The following FAM20C variants were observed in gnomAD, a reference collection of about 807,000 sequenced individuals.
FAM20C encodes FAM20C golgi associated secretory pathway kinase.
In FAM20C, 40 loss-of-function variants were observed where a neutral mutation model predicts 51.5. The observed-to-expected ratio is 0.78, with a 90% CI of 0.60 to 1.01. The LOEUF is 1.01. Among genes scored for constraint, FAM20C ranks in the 50% least tolerant of loss-of-function variants. FAM20C has a pLI of 0.00. For synonymous variants in FAM20C, 406 were observed against 380.6 expected (o/e 1.07, Z -0.78); for missense variants, 861 against 844.7 (o/e 1.02, Z -0.24).
chr7:257,830 ATGGG>A lies in FAM20C; in HGVS notation c.1445+745_1445+748del, dbSNP rs1458205640. Among the ~76,000 whole-genome samples, 1,020 of 123,166 alleles carry A rather than the reference ATGGG, an allele frequency of 8.3e-3. 31 individuals are homozygous for A. Among genetic ancestry groups the A allele is most frequent in the Middle Eastern group, 0.023 (5 of 222 alleles). 80.8% of individuals were successfully genotyped at this position (123,166 alleles called of 152,430 possible). ...GGACCCACTGCCCGGGGTGCTGGAG[ATGGG>A]CAGGGTGGACCCACTGCCTGGGGTG... On this transcript the variant is annotated intron_variant, in intron 8 of 9. Coordinates refer to ENST00000313766, the MANE Select transcript of FAM20C (RefSeq NM_020223.4).
intron 3 of FAM20C, among the ~76,000 whole-genome samples, chr7:215,125 G>A (rs1319880435): frequency 6.6e-6 from 1 of 151,910 alleles, no homozygotes; most frequent in Non-Finnish European, 1.5e-5. Context: ...AGGAGGACAG[G>A]GCGTGGTTAA....
intron 3 of FAM20C, among the ~76,000 whole-genome samples, chr7:244,785 C>A (rs923979202): frequency 3.9e-5 from 6 of 152,242 alleles, no homozygotes; most frequent in Admixed American, 1.3e-4. Context: ...CTACCCAGGG[C>A]CCTGTCAAGG....
chr7:196,421 G>T (rs201071181), intron 2 of FAM20C, among the ~76,000 whole-genome samples: 1 of 152,256 alleles, frequency 6.6e-6, no homozygotes, highest in African/African-American at 2.4e-5. Flanking sequence ...GCTTGTAGGC[G>T]ATTGTTTGTG....
At chr7:214,742 G>A (rs1192662492) in intron 3 of FAM20C, among the ~76,000 whole-genome samples, 1 of 152,214 alleles carries the variant, frequency 6.6e-6, no homozygotes, top group East Asian at 1.9e-4. Flanking sequence ...TGGCTTTCCA[G>A]CTTGGAGAAG....
chr7:228,934 C>T (rs1218922121), intron 3 of FAM20C: 4 of 402,260 alleles, frequency 9.9e-6, no homozygotes, highest in South Asian at 5.4e-5. Flanking sequence ...CAAGACCGCC[C>T]ACCAGGCATC....
intron 5 of FAM20C, among the ~76,000 whole-genome samples, chr7:253,208 G>A (rs537268613): frequency 2.4e-3 from 373 of 152,332 alleles, no homozygotes; most frequent in Admixed American, 6.7e-3. Context: ...AACAGTGTCC[G>A]CCGGGCCCGC....
At chr7:210,378 G>A (rs1228824679) in intron 3 of FAM20C, among the ~76,000 whole-genome samples, 2 of 152,180 alleles carry the variant, frequency 1.3e-5, no homozygotes, top group African/African-American at 2.4e-5. Context: ...CCTGGGTTAC[G>A]TGAAGGAGCT....
chr7:255,781 G>T (rs377304861), intron 5 of FAM20C, 68 bp from the exon 6 acceptor site: 6 of 1,511,190 alleles, frequency 4.0e-6, no homozygotes, highest in East Asian at 2.5e-5. Context: ...GGCCTTGGGG[G>T]CCGTGAGACC....
intron 5 of FAM20C, among the ~76,000 whole-genome samples, chr7:248,795 G>T (rs1319188976): frequency 3.4e-5 from 5 of 147,072 alleles, no homozygotes; most frequent in Admixed American, 2.7e-4. Context: ...ATCTCGCCAG[G>T]TAGCCTGGCA....
At chr7:205,132 C>T (rs917789446) in intron 2 of FAM20C, among the ~76,000 whole-genome samples, 1 of 152,242 alleles carries the variant, frequency 6.6e-6, no homozygotes, top group African/African-American at 2.4e-5. Flanking sequence ...GGACAGGCGT[C>T]CACGTCCTGA....
At position 195,576 on chromosome 7, in the gene FAM20C, G is replaced by A. The variant is rs755298833; in HGVS notation, c.628G>A (p.Ala210Thr). Reference protein sequence around the residue: ...PDWPHAGAEGAEFLSPGEAAV... With the variant: ...PDWPHAGAEGTEFLSPGEAAV... ...CAGGCCGCATGCGGGTGCTGAAGGT[G>A]CAGAATTCCTCTCCCCCGGGGAGGC... Residue 210 changes from alanine to threonine, a missense_variant, in exon 2 of 10, where the codon GCA (alanine) becomes ACA (threonine). By Grantham distance (58) the Ala-to-Thr change is moderately conservative. Coordinates refer to ENST00000313766, the MANE Select transcript of FAM20C (RefSeq NM_020223.4). 3 of 1,594,004 alleles carry A rather than the reference G, an allele frequency of 1.9e-6. No individual in the cohort carries two copies. Among genetic ancestry groups the A allele is most frequent in the East Asian group, 2.3e-5 (1 of 43,640 alleles).
At chr7:210,479 G>A (rs1562371600) in intron 3 of FAM20C, among the ~76,000 whole-genome samples, 2 of 152,152 alleles carry the variant, frequency 1.3e-5, no homozygotes, top group African/African-American at 2.4e-5. Flanking sequence ...CTGGTGCTGC[G>A]TGGACCCTTC....
At chr7:237,769 GTGA>G (rs1787891916) in intron 3 of FAM20C, among the ~76,000 whole-genome samples, 2 of 151,848 alleles carry the variant, frequency 1.3e-5, no homozygotes, top group African/African-American at 4.8e-5. Flanking sequence ...GATGGTGATG[GTGA>G]TGATGATGTT....
intron 3 of FAM20C, among the ~76,000 whole-genome samples, chr7:230,177 A>G (rs1199883625): frequency 6.6e-6 from 1 of 152,126 alleles, no homozygotes; most frequent in Non-Finnish European, 1.5e-5. Context: ...CCCTGTCCTC[A>G]TAAGAGGGAG....
chr7:222,534 G>A (rs1028484645), intron 3 of FAM20C, among the ~76,000 whole-genome samples: 13 of 152,162 alleles, frequency 8.5e-5, no homozygotes, highest in Non-Finnish European at 1.2e-4. Context: ...AGGTGTCCAC[G>A]GAGGCCCTGC....
At chr7:219,662 T>C (rs1393533301) in intron 3 of FAM20C, among the ~76,000 whole-genome samples, 1 of 152,172 alleles carries the variant, frequency 6.6e-6, no homozygotes, top group Non-Finnish European at 1.5e-5. Flanking sequence ...CAGGGTGTCC[T>C]GCAGAGACTC....
chr7:220,334 C>T (rs1434939079), intron 3 of FAM20C, among the ~76,000 whole-genome samples: 3 of 152,234 alleles, frequency 2.0e-5, no homozygotes, highest in Non-Finnish European at 2.9e-5. Context: ...TCGCTGGGCC[C>T]ACCCACTGGG....
chr7:247,950 A>G (rs1265675537), intron 4 of FAM20C, among the ~76,000 whole-genome samples: 2 of 152,224 alleles, frequency 1.3e-5, no homozygotes, highest in African/African-American at 4.8e-5. Context: ...TAATTAAGCG[A>G]GTGGGAGCCT....
chr7:244,601 C>T (rs1332500354), intron 3 of FAM20C, among the ~76,000 whole-genome samples: 1 of 152,234 alleles, frequency 6.6e-6, no homozygotes, highest in African/African-American at 2.4e-5. Context: ...GCCATACCTG[C>T]CACTGCCCTG....
Sources: gnomAD v4.1 joint callset for allele counts (sites outside exome capture counted in the v4.1 genomes callset) on GRCh38, gnomAD v4.1.1 for gene constraint, MANE v1.5 for transcripts, NCBI Gene and HGNC (gene_info 2026-07-23, HGNC 2026-07-21) for gene names.